Variants in ANO6 observed in about 807,000 individuals in gnomAD.
ANO6 encodes the protein anoctamin-6.
In ANO6, 106 loss-of-function variants were observed where a neutral mutation model predicts 117.5. The ratio of observed to expected loss-of-function variants is 0.90; its 90% CI spans 0.77 to 1.06. The LOEUF (loss-of-function observed/expected upper bound fraction) is 1.06. Ranked by LOEUF, ANO6 falls within the 50% of genes least tolerant of loss-of-function variation. The probability of loss-of-function intolerance (pLI) is 0.00; values close to 1 mark genes in which losing one functional copy is unlikely to be tolerated. For synonymous variants in ANO6, 367 were observed against 385.1 expected (o/e 0.95, Z 0.55); for missense variants, 955 against 1,121.1 (o/e 0.85, Z 2.12).
In ANO6 at chr12:45,409,414, C is replaced by T; in HGVS notation, c.1938C>T (p.Thr646=). ...GAGTTTCTGGATCAGAAAAGATAAC[C>T]CCACGATGGGAACAGGACTACCATC... ...FHRVSGSEKI[T]PRWEQDYHLQ... is the part of the protein sequence containing the mutation. The change falls in exon 16 of 20, where the codon ACC becomes ACT. Residue 646 remains threonine (T), a synonymous_variant. Coordinates refer to ENST00000320560, the MANE Select transcript of ANO6 (RefSeq NM_001025356.3). The T allele has an allele frequency of 6.2e-7, 1 of 1,613,946 alleles. No individual in the cohort carries two copies. The highest frequency in any genetic ancestry group is 1.1e-5 in the South Asian group (1 of 91,058).
intron 3 of ANO6, among the ~76,000 whole-genome samples, chr12:45,332,914 G>T (rs540305436): frequency 1.3e-5 from 2 of 152,014 alleles, no homozygotes; most frequent in East Asian, 3.9e-4. Flanking sequence ...GGAAAGTATC[G>T]TTTCTGGCTG....
chr12:45,244,244 T>C (rs967504178), intron 1 of ANO6, among the ~76,000 whole-genome samples: 1 of 152,086 alleles, frequency 6.6e-6, no homozygotes, highest in African/African-American at 2.4e-5. Context: ...AATCAGGCTT[T>C]TTATAGGAGA....
At chr12:45,344,157 G>T (rs1322268046) in intron 3 of ANO6, among the ~76,000 whole-genome samples, 1 of 152,164 alleles carries the variant, frequency 6.6e-6, no homozygotes, top group African/African-American at 2.4e-5. Flanking sequence ...TCAGGAGAAA[G>T]TCTTAGGTCA....
chr12:45,438,577 G>A (rs954616256), intron 19 of ANO6, among the ~76,000 whole-genome samples: 3 of 152,128 alleles, frequency 2.0e-5, no homozygotes, highest in African/African-American at 7.2e-5. Flanking sequence ...CAGGCTATGT[G>A]TATCAGCTGT....
At chr12:45,249,027 G>T (rs12227678) in intron 1 of ANO6, among the ~76,000 whole-genome samples, 8,664 of 152,224 alleles carry the variant, frequency 0.057, 470 homozygotes, top group East Asian at 0.29. Flanking sequence ...CAGACTCTCT[G>T]GTCCTCAGGT....
intron 2 of ANO6, among the ~76,000 whole-genome samples, chr12:45,326,030 A>G (rs867404956): frequency 6.6e-6 from 1 of 152,212 alleles, no homozygotes; most frequent in African/African-American, 2.4e-5. Context: ...ACTCCATTTG[A>G]TAAAAGTACT....
intron 1 of ANO6, among the ~76,000 whole-genome samples, chr12:45,289,103 C>T (rs1939012410): frequency 6.6e-6 from 1 of 151,344 alleles, no homozygotes; most frequent in Non-Finnish European, 1.5e-5. Flanking sequence ...TTTAAGCAAT[C>T]AAGTATTTCC....
At chr12:45,398,452 A>T (rs1942690167) in intron 12 of ANO6, among the ~76,000 whole-genome samples, 1 of 152,230 alleles carries the variant, frequency 6.6e-6, no homozygotes, top group Non-Finnish European at 1.5e-5. Context: ...GCTTCGTAGA[A>T]GGCAGCTTAG....
intron 8 of ANO6, among the ~76,000 whole-genome samples, chr12:45,365,553 G>C (rs1346999764): frequency 6.6e-6 from 1 of 152,164 alleles, no homozygotes; most frequent in African/African-American, 2.4e-5. Flanking sequence ...GGAGCTTTTT[G>C]GGGGAGCTGC....
At chr12:45,434,606 C>G (rs1361945761), downstream of ANO6, among the ~76,000 whole-genome samples, 2 of 152,128 alleles carry the variant, frequency 1.3e-5, no homozygotes, top group Non-Finnish European at 2.9e-5. Flanking sequence ...TGCAAAGAAT[C>G]CAGGGAAATA....
At chr12:45,317,409 A>G (rs11182973) in intron 2 of ANO6, among the ~76,000 whole-genome samples, 8,173 of 150,864 alleles carry the variant, frequency 0.054, 527 homozygotes, top group East Asian at 0.35. Context: ...GCTGAGAATG[A>G]TGGTTTCCAG....
At position 45,264,139 on chromosome 12, in the gene ANO6, G is replaced by C. The variant is rs553379519; in HGVS notation, c.71-37875G>C. On this transcript the variant is annotated intron_variant, in intron 1 of 19. Transcript: ENST00000320560. ...CTCATATCTCTTGATTTAGCTGCTG[G>C]TCACCCCATTACCTGCTGCATGTTG... Among the ~76,000 whole-genome samples, 6 of 152,270 alleles carry C rather than the reference G, an allele frequency of 3.9e-5. No homozygotes were observed. The South Asian group carries it at 1.2e-3, about 32-fold the overall frequency.
rs80155032 is a variant in ANO6, at chr12:45,235,484, A to G, written c.70+19093A>G. Among the ~76,000 whole-genome samples the G allele has an allele frequency of 4.5e-4, 68 of 152,284 alleles. 1 individual carries two copies. Among genetic ancestry groups the G allele is most frequent in the African/African-American group, 1.6e-3 (68 of 41,548 alleles). On this transcript the variant is annotated intron_variant, in intron 1 of 19. Transcript: ENST00000320560. Reference sequence around the variant, plus strand: ...AATGTGGGAAAACCACCTCCTGGGCATAATAGAAATCCAGGCCTGGCAGTA... The same window carrying G: ...AATGTGGGAAAACCACCTCCTGGGCGTAATAGAAATCCAGGCCTGGCAGTA...
At chr12:45,429,053 G>T in intron 19 of ANO6, 52 bp from the exon 20 acceptor site, 2 of 1,595,732 alleles carry the variant, frequency 1.3e-6, no homozygotes, top group Non-Finnish European at 1.7e-6. Flanking sequence ...AAGGAACTCG[G>T]TGTTCTCCTC....
At chr12:45,262,283 A>G (rs1033554682) in intron 1 of ANO6, among the ~76,000 whole-genome samples, 1 of 152,072 alleles carries the variant, frequency 6.6e-6, no homozygotes, top group Non-Finnish European at 1.5e-5. Context: ...CCTCATAAGC[A>G]CTCTCTGTTT....
At chr12:45,309,408 G>A (rs1462217755) in intron 2 of ANO6, among the ~76,000 whole-genome samples, 1 of 152,110 alleles carries the variant, frequency 6.6e-6, no homozygotes, top group Non-Finnish European at 1.5e-5. Context: ...ACATTGAGGA[G>A]TAATGGTCTG....
intron 17 of ANO6, among the ~76,000 whole-genome samples, chr12:45,419,855 C>T (rs1022284294): frequency 6.6e-6 from 1 of 151,978 alleles, no homozygotes; most frequent in African/African-American, 2.4e-5. Context: ...ATAGATGTCT[C>T]TCTGATACAC....
chr12:45,372,036 G>A (rs1490892920), intron 9 of ANO6, among the ~76,000 whole-genome samples: 5 of 151,784 alleles, frequency 3.3e-5, no homozygotes, highest in African/African-American at 9.7e-5. Flanking sequence ...GGAGCTGAAA[G>A]CCAAGGCTCG....
intron 2 of ANO6, among the ~76,000 whole-genome samples, chr12:45,321,710 C>A (rs2137369703): frequency 6.6e-6 from 1 of 152,108 alleles, no homozygotes; most frequent in East Asian, 1.9e-4. Context: ...TTGTGTCAGT[C>A]ATCTGTCAAG....
Sources: allele counts gnomAD v4.1 joint callset (sites outside exome capture counted in the v4.1 genomes callset), GRCh38; gene constraint gnomAD v4.1.1; transcripts MANE v1.5; gene names NCBI Gene and HGNC (gene_info 2026-07-23, HGNC 2026-07-21).